The following RFPL4A variants were observed in gnomAD, a reference collection of about 807,000 sequenced individuals.
RFPL4A encodes ret finger protein-like 4A.
Under a neutral mutation model 8.3 loss-of-function variants are expected in RFPL4A, and 4 were observed. That is an observed-to-expected ratio of 0.48 (90% CI 0.24 to 1.10). The LOEUF (loss-of-function observed/expected upper bound fraction) is 1.10. Among genes scored for constraint, RFPL4A ranks in the 50% least tolerant of loss-of-function variants. The pLI is 0.18. For synonymous variants in RFPL4A, 43 were observed against 136.6 expected (o/e 0.31, Z 4.78); for missense variants, 111 against 358.7 (o/e 0.31, Z 5.58).
intron 1 of RFPL4A, among the ~76,000 whole-genome samples, chr19:55,760,282 A>G (rs1989255949): frequency 6.6e-6 from 1 of 151,554 alleles, no homozygotes; most frequent in South Asian, 2.1e-4. Context: ...TGGAGGGCTC[A>G]GGAGGCTCTC....
At chr19:55,762,534 G>T in intron 2 of RFPL4A, 64 bp from the exon 3 acceptor site, 1 of 1,516,884 alleles carries the variant, frequency 6.6e-7, no homozygotes, top group Non-Finnish European at 8.8e-7. Context: ...AGTGTTTGCA[G>T]TCAAAGGGCA....
upstream of RFPL4A, among the ~76,000 whole-genome samples, chr19:55,757,723 T>C (rs1283515406): frequency 6.6e-6 from 1 of 152,136 alleles, no homozygotes; most frequent in East Asian, 1.9e-4. Flanking sequence ...TATTCTCTAA[T>C]TCTGAACGGA....
At chr19:55,758,735 T>C (rs75872255), upstream of RFPL4A, among the ~76,000 whole-genome samples, 3 of 151,556 alleles carry the variant, frequency 2.0e-5, no homozygotes, top group East Asian at 5.8e-4. Flanking sequence ...ACCTCTTTTA[T>C]TGAAATGTGA....
chr19:55,760,593 C>T (rs1989261543), intron 1 of RFPL4A, among the ~76,000 whole-genome samples: 1 of 151,532 alleles, frequency 6.6e-6, no homozygotes, highest in Non-Finnish European at 1.5e-5. Context: ...TACATATGGG[C>T]ATGCTGGGGT....
At chr19:55,759,935 C>A (rs1022275905) in intron 1 of RFPL4A, among the ~76,000 whole-genome samples, 2 of 151,686 alleles carry the variant, frequency 1.3e-5, no homozygotes, top group Non-Finnish European at 2.9e-5. Context: ...CCACCATTTC[C>A]TCATCCATGT....
At chr19:55,757,613 C>T (rs1038628369), upstream of RFPL4A, among the ~76,000 whole-genome samples, 2 of 151,990 alleles carry the variant, frequency 1.3e-5, no homozygotes, top group African/African-American at 4.8e-5. Context: ...GAATAGAAGC[C>T]AGCGGAGCTG....
upstream of RFPL4A, among the ~76,000 whole-genome samples, chr19:55,757,834 T>G (rs1337416092): frequency 9.2e-5 from 14 of 151,354 alleles, no homozygotes; most frequent in African/African-American, 3.4e-4. Flanking sequence ...GCTTGGTGCT[T>G]TCCACAACTG....
At chr19:55,757,411 G>C (rs1989192388), upstream of RFPL4A, among the ~76,000 whole-genome samples, 3 of 152,056 alleles carry the variant, frequency 2.0e-5, no homozygotes, top group African/African-American at 7.3e-5. Flanking sequence ...ACAGTGAACA[G>C]GGCCTGGGGA....
At chr19:55,757,885 A>G (rs1989202953), upstream of RFPL4A, among the ~76,000 whole-genome samples, 1 of 151,882 alleles carries the variant, frequency 6.6e-6, no homozygotes, top group Admixed American at 6.6e-5. Flanking sequence ...AATTTCGTTC[A>G]AGCTTTACGG....
At chr19:55,762,388 T>C (rs996583445) in intron 2 of RFPL4A, among the ~76,000 whole-genome samples, 1 of 151,376 alleles carries the variant, frequency 6.6e-6, no homozygotes, top group Non-Finnish European at 1.5e-5. Context: ...ATGAATAAGG[T>C]GGACTTGTTA....
At chr19:55,761,651 T>C in intron 1 of RFPL4A, 141 bp from the exon 2 acceptor site, 1 of 1,277,168 alleles carries the variant, frequency 7.8e-7, no homozygotes, top group Non-Finnish European at 1.1e-6. Context: ...GTATTCATGT[T>C]GTGTCTTCGT....
chr19:55,760,331 G>C (rs1456524466), intron 1 of RFPL4A, among the ~76,000 whole-genome samples: 1 of 151,568 alleles, frequency 6.6e-6, no homozygotes, highest in Admixed American at 6.6e-5. Context: ...CAGTTTCCAG[G>C]TTCTGGATGC....
chr19:55,758,726 C>CCT (rs1989223234), upstream of RFPL4A, among the ~76,000 whole-genome samples: 1 of 151,312 alleles, frequency 6.6e-6, no homozygotes, highest in Non-Finnish European at 1.5e-5. Flanking sequence ...GTTTAAGTCA[C>CCT]CTCTTTTATT....
upstream of RFPL4A, among the ~76,000 whole-genome samples, chr19:55,757,354 C>T (rs1989190697): frequency 6.6e-6 from 1 of 151,904 alleles, no homozygotes; most frequent in Non-Finnish European, 1.5e-5. Context: ...GCACATGTAC[C>T]CCAGAACTTA....
chr19:55,761,072 G>T (rs1280285664), intron 1 of RFPL4A, among the ~76,000 whole-genome samples: 5 of 125,028 alleles, frequency 4.0e-5, no homozygotes, highest in Admixed American at 1.6e-4. Flanking sequence ...TTTTTCATTA[G>T]TTCTGGTTTT....
At chr19:55,761,420 G>A (rs896602892) in intron 1 of RFPL4A, among the ~76,000 whole-genome samples, 2 of 137,362 alleles carry the variant, frequency 1.5e-5, no homozygotes, top group Non-Finnish European at 3.3e-5. Flanking sequence ...TCCCCATTAT[G>A]TCTTCAAAAA....
chr19:55,757,453 A>T (rs200639151), upstream of RFPL4A, among the ~76,000 whole-genome samples: 166 of 150,208 alleles, frequency 1.1e-3, 2 homozygotes, highest in South Asian at 0.019. Context: ...CATTTACGTC[A>T]GCTTCTGTGA....
At chr19:55,762,236 A>G in intron 2 of RFPL4A, 150 bp downstream of exon 2, 2 of 741,172 alleles carry the variant, frequency 2.7e-6, no homozygotes, top group South Asian at 3.8e-5. Context: ...ACCTTTGCGT[A>G]GAGATTTTCA....
At chr19:55,761,601 A>T (rs942485928) in intron 1 of RFPL4A, among the ~76,000 whole-genome samples, 191 bp from the exon 2 acceptor site, 1 of 148,314 alleles carries the variant, frequency 6.7e-6, no homozygotes, top group African/African-American at 2.6e-5. Context: ...AATGAGTATT[A>T]CAGATATTAG....
Sources: gnomAD v4.1 joint callset for allele counts (sites outside exome capture counted in the v4.1 genomes callset) on GRCh38, gnomAD v4.1.1 for gene constraint, MANE v1.5 for transcripts, NCBI Gene and HGNC (gene_info 2026-07-23, HGNC 2026-07-21) for gene names.